Variants in PCBP4 observed in about 807,000 individuals in gnomAD.
The protein encoded by PCBP4 is poly(rC) binding protein 4.
PCBP4 carries 24 observed loss-of-function variants against 46.2 expected under a neutral mutation model. The ratio of observed to expected loss-of-function variants is 0.52; its 90% CI spans 0.38 to 0.73. PCBP4 has a LOEUF of 0.73. Among genes scored for constraint, PCBP4 ranks in the 30% least tolerant of loss-of-function variants. PCBP4 has a pLI of 0.00. For missense variants in PCBP4, 407 were observed against 537.0 expected (o/e 0.76, Z 2.39); for synonymous variants, 203 against 224.4 (o/e 0.90, Z 0.85).
Position 51,957,724 on chromosome 3 carries a change from A to C in PCBP4, c.*337T>G. 1 of 185,770 alleles carries C rather than the reference A, an allele frequency of 5.4e-6. No individual in the cohort carries two copies. The allele number at this position is 185,770 out of a possible 1,614,324, so 11.5% of individuals were successfully genotyped here. ...TCCCTGACTCCCACAAGGATGCAGT[A>C]GGCCAGGAAGCCCTAAGGGATGGGG... On this transcript the variant is annotated 3_prime_UTR_variant, in exon 14 of 14. Coordinates refer to ENST00000461554, the MANE Select transcript of PCBP4 (RefSeq NM_001174100.2).
rs1577674597 is a variant in PCBP4, at chr3:51,959,018, A to G, written c.753+29T>C. The stretch of plus-strand genomic sequence containing the variant: ...GTCCAGACCCCCAGACCCCCTACCC[A>G]CCCTCCAGCCATCCCATCCCCTGCT... On this transcript the variant is annotated intron_variant, in intron 12 of 13. Transcript: ENST00000461554. This position sits in a 1 kb window ranked among gnomAD's most constrained non-coding sequence, Gnocchi z 5.6. The G allele has an allele frequency of 6.2e-7, 1 of 1,612,646 alleles. No homozygotes were observed. The highest frequency in any genetic ancestry group is 8.5e-7 in the Non-Finnish European group (1 of 1,179,268).
rs1369617698 is a variant in PCBP4, at chr3:51,960,516, A to T, written c.255+10T>A. On this transcript the variant is annotated intron_variant, in intron 6 of 13. Coordinates refer to ENST00000461554, the MANE Select transcript of PCBP4 (RefSeq NM_001174100.2). This position sits in a 1 kb window ranked among gnomAD's most constrained non-coding sequence, Gnocchi z 5.0. ...CCACTCTTGGCGTCCTGCCCTGGCCAGCCACGGACCTCATCCAGTTTGAAA... is the reference window on the plus strand; with the variant it reads ...CCACTCTTGGCGTCCTGCCCTGGCCTGCCACGGACCTCATCCAGTTTGAAA... 3.1e-6 allele frequency: 5 copies of T among 1,601,140 alleles called. No individual in the cohort carries two copies. Among genetic ancestry groups the T allele is most frequent in the Non-Finnish European group, 4.3e-6 (5 of 1,168,330 alleles).
In PCBP4 at chr3:51,960,472, T is replaced by C; in HGVS notation, c.255+54A>G. 1 of 1,557,510 alleles carries C rather than the reference T, an allele frequency of 6.4e-7. No homozygotes were observed. The highest frequency in any genetic ancestry group is 8.9e-7 in the Non-Finnish European group (1 of 1,128,960). On this transcript the variant is annotated intron_variant, in intron 6 of 13. Transcript: ENST00000461554. The surrounding 1 kb of genome is among the most constrained non-coding windows in gnomAD (Gnocchi z 5.0). Reference sequence around the variant, plus strand: ...CCATAGCCACTATCTGGAGTCAGAGTTGGGTTCCTCCTGGGGAACCACTCT... The same window carrying C: ...CCATAGCCACTATCTGGAGTCAGAGCTGGGTTCCTCCTGGGGAACCACTCT...
rs1462751696 is a variant in PCBP4, at chr3:51,959,551, C to T, written c.591+26G>A. 7 of 1,545,626 alleles carry T rather than the reference C, an allele frequency of 4.5e-6. No individual in the cohort carries two copies. Among genetic ancestry groups the T allele is most frequent in the South Asian group, 2.4e-5 (2 of 83,858 alleles). ...CAATCCCCCTTCTCCAGTAATGTGT[C>T]CCACTGCTCCTGTTGTTCCCCTCAC... On this transcript the variant is annotated intron_variant, in intron 9 of 13. Coordinates refer to ENST00000461554, the MANE Select transcript of PCBP4 (RefSeq NM_001174100.2). The surrounding 1 kb of genome is among the most constrained non-coding windows in gnomAD (Gnocchi z 5.6).
chr3:51,961,514 A>G (rs2106750254), intron 2 of PCBP4: 1 of 597,400 alleles, frequency 1.7e-6, no homozygotes, highest in Admixed American at 3.2e-5. Context: ...TCTGAGCCTC[A>G]GCTTCTCCAT....
chr3:51,963,749 G>A (rs1167380723), intron 1 of PCBP4, among the ~76,000 whole-genome samples: 1 of 152,218 alleles, frequency 6.6e-6, no homozygotes, highest in Non-Finnish European at 1.5e-5. Context: ...TAGGGGCTGG[G>A]GGTAGGGAGA....
At chr3:51,963,645 G>A (rs1184038905) in intron 1 of PCBP4, among the ~76,000 whole-genome samples, 1 of 152,204 alleles carries the variant, frequency 6.6e-6, no homozygotes, top group Non-Finnish European at 1.5e-5. Flanking sequence ...GCCATGAAAA[G>A]ATGCCTGGGT....
intron 1 of PCBP4, among the ~76,000 whole-genome samples, chr3:51,965,177 CT>C (rs1391811009): frequency 6.6e-6 from 1 of 152,216 alleles, no homozygotes; most frequent in Admixed American, 6.5e-5. Flanking sequence ...TGTATGCTTA[CT>C]CTGCTGCTCA....
In PCBP4 at chr3:51,960,608, C is replaced by A. The variant is rs1259835591; in HGVS notation, c.173G>T (p.Cys58Phe). 6.2e-7 allele frequency: 1 copy of A among 1,614,068 alleles called. No individual in the cohort carries two copies. The highest frequency in any genetic ancestry group is 8.5e-7 in the Non-Finnish European group (1 of 1,179,984). The change falls in exon 6 of 14, where the codon TGC becomes TTC. Residue 58 changes from cysteine (C) to phenylalanine (F), a missense_variant. Physicochemically the swap from Cys to Phe is radical, Grantham distance 205 (BLOSUM62 -2). Transcript: ENST00000461554. This position sits in a 1 kb window ranked among gnomAD's most constrained non-coding sequence, Gnocchi z 5.0. ...GGTGATGGTGGTGATGCGTTCAGGGCAGGAGCCCTCGGAGATGGTGATCCG... is the reference window on the plus strand; with the variant it reads ...GGTGATGGTGGTGATGCGTTCAGGGAAGGAGCCCTCGGAGATGGTGATCCG... ...SARITISEGS[C>F]PERITTITGS... is the part of the protein sequence containing the mutation.
chr3:51,959,330 G>A lies in PCBP4; in HGVS notation c.636+37C>T. The A allele has an allele frequency of 6.2e-7, 1 of 1,613,736 alleles. No individual in the cohort carries two copies. Among genetic ancestry groups the A allele is most frequent in the South Asian group, 1.1e-5 (1 of 91,012 alleles). On this transcript the variant is annotated intron_variant, in intron 10 of 13. Coordinates refer to ENST00000461554, the MANE Select transcript of PCBP4 (RefSeq NM_001174100.2). The surrounding 1 kb of genome is among the most constrained non-coding windows in gnomAD (Gnocchi z 5.6). ...GGGGTCAGAGGTCAGAGGAGGCATG[G>A]TTCAGGAAGGGGTGCCTTGGGCTAT... is the stretch of plus-strand genomic sequence containing the variant.
rs1395827784 is a variant in PCBP4, at chr3:51,958,330, T to G, written c.943A>C (p.Thr315Pro). 2.0e-6 allele frequency: 3 copies of G among 1,510,024 alleles called. No homozygotes were observed. The highest frequency in any genetic ancestry group is 2.7e-6 in the Non-Finnish European group (3 of 1,131,386). The allele number at this position is 1,510,024 out of a possible 1,614,324, so 93.5% of individuals were successfully genotyped here. A position where few individuals can be genotyped will look rare whatever the true frequency, so the allele number is the denominator to read the frequency against. ...ITACLETAKSTSGGTPSSAPA... is the reference protein window; with the variant it reads ...ITACLETAKSPSGGTPSSAPA... ...GCCGAGCTGGGCGTCCCCCCAGAGGTAGACTTGGCCGTCTCTAGACTGGAG... is the reference window on the plus strand; with the variant it reads ...GCCGAGCTGGGCGTCCCCCCAGAGGGAGACTTGGCCGTCTCTAGACTGGAG... The change falls in exon 14 of 14, where the codon ACC becomes CCC. Residue 315 changes from threonine (T) to proline (P), a missense_variant. Transcript: ENST00000461554. This position sits in a 1 kb window ranked among gnomAD's most constrained non-coding sequence, Gnocchi z 5.4.
rs894908388 is a variant in PCBP4 at position 51,958,497 on chromosome 3, A to C, written c.924-148T>G. 6 of 661,572 alleles carry C rather than the reference A, an allele frequency of 9.1e-6. No homozygotes were observed. Among genetic ancestry groups the C allele is most frequent in the Admixed American group, 3.2e-5 (1 of 30,812 alleles). The allele number at this position is 661,572 out of a possible 1,614,324, so 41.0% of individuals were successfully genotyped here. Reference sequence around the variant, plus strand: ...AAGGGGAAGATGGGAAAGGTGGAAGAGGAAGGGAAGAAAGGACAAGCAGAT... The same window carrying C: ...AAGGGGAAGATGGGAAAGGTGGAAGCGGAAGGGAAGAAAGGACAAGCAGAT... On this transcript the variant is annotated intron_variant, in intron 13 of 13. Transcript: ENST00000461554. The surrounding 1 kb of genome is among the most constrained non-coding windows in gnomAD (Gnocchi z 5.4).
chr3:51,966,405 G>T (rs978268047), intron 1 of PCBP4, among the ~76,000 whole-genome samples: 4 of 152,166 alleles, frequency 2.6e-5, no homozygotes, highest in African/African-American at 9.7e-5. Context: ...GGGAAGACCA[G>T]GGGATTTTTT....
chr3:51,966,224 T>C (rs561951866), intron 1 of PCBP4, among the ~76,000 whole-genome samples: 6 of 152,270 alleles, frequency 3.9e-5, no homozygotes, highest in Non-Finnish European at 7.4e-5. Context: ...AGCCTCCTCG[T>C]GGCCTGGGCC....
chr3:51,965,976 G>C (rs1700402370), intron 1 of PCBP4, among the ~76,000 whole-genome samples: 1 of 152,198 alleles, frequency 6.6e-6, no homozygotes, highest in Non-Finnish European at 1.5e-5. Context: ...GTCACAGCTG[G>C]AAAGGTCTTA....
Position 51,960,899 on chromosome 3 carries a change from CTG to C in PCBP4, c.106-3_106-2del. Reference sequence around the variant, plus strand: ...GGATTCGCTTTACAGTCTCGCCCTTCTGTGGGAGGTACAAAACAGATAATCAC... The same window carrying C: ...GGATTCGCTTTACAGTCTCGCCCTTCTGGGAGGTACAAAACAGATAATCAC... On this transcript the variant is annotated splice_acceptor_variant and splice_polypyrimidine_tract_variant and intron_variant, in intron 4 of 13. Transcript: ENST00000461554. LOFTEE classifies it high-confidence loss of function. The surrounding 1 kb of genome is among the most constrained non-coding windows in gnomAD (Gnocchi z 5.0). 1.9e-6 allele frequency: 3 copies of C among 1,609,522 alleles called. No individual in the cohort carries two copies. Among genetic ancestry groups the C allele is most frequent in the Non-Finnish European group, 2.5e-6 (3 of 1,180,004 alleles).
Position 51,958,331 on chromosome 3 carries a change from A to G in PCBP4, c.942T>C (p.Ser314=), listed in dbSNP as rs757454970. ...LITACLETAK[S]TSGGTPSSAP... ...CCGAGCTGGGCGTCCCCCCAGAGGTAGACTTGGCCGTCTCTAGACTGGAGA... is the reference window on the plus strand; with the variant it reads ...CCGAGCTGGGCGTCCCCCCAGAGGTGGACTTGGCCGTCTCTAGACTGGAGA... Residue 314 remains serine (S), a synonymous_variant, in exon 14 of 14, where the codon TCT becomes TCC. Transcript: ENST00000461554. The surrounding 1 kb of genome is among the most constrained non-coding windows in gnomAD (Gnocchi z 5.4). 2 of 1,512,356 alleles carry G rather than the reference A, an allele frequency of 1.3e-6. No individual in the cohort carries two copies. Among genetic ancestry groups the G allele is most frequent in the Non-Finnish European group, 8.8e-7 (1 of 1,132,330 alleles). The allele number at this position is 1,512,356 out of a possible 1,614,324, so 93.7% of individuals were successfully genotyped here. A position where few individuals can be genotyped will look rare whatever the true frequency, so the allele number is the denominator to read the frequency against.
At chr3:51,964,034 G>A (rs1041923005) in intron 1 of PCBP4, among the ~76,000 whole-genome samples, 1 of 152,104 alleles carries the variant, frequency 6.6e-6, no homozygotes, top group Non-Finnish European at 1.5e-5. Flanking sequence ...GCTCACCTCC[G>A]CGGGTGCCCA....
Position 51,959,652 on chromosome 3 carries a change from C to T in PCBP4, c.517-1G>A. 1 of 1,551,546 alleles carries T rather than the reference C, an allele frequency of 6.4e-7. No individual in the cohort carries two copies. The highest frequency in any genetic ancestry group is 8.7e-7 in the Non-Finnish European group (1 of 1,146,834). ...GGATAGTGGCTCCTTTGGGTGGGGACTGGAAGGCATAAACAGGGCTCTGTC... is the reference window on the plus strand; with the variant it reads ...GGATAGTGGCTCCTTTGGGTGGGGATTGGAAGGCATAAACAGGGCTCTGTC... On this transcript the variant is annotated splice_acceptor_variant, in intron 8 of 13. Coordinates refer to ENST00000461554, the MANE Select transcript of PCBP4 (RefSeq NM_001174100.2). LOFTEE classifies it high-confidence loss of function. The surrounding 1 kb of genome is among the most constrained non-coding windows in gnomAD (Gnocchi z 5.6).
Sources: allele counts gnomAD v4.1 joint callset (sites outside exome capture counted in the v4.1 genomes callset), GRCh38; gene constraint gnomAD v4.1.1; non-coding constraint Gnocchi (gnomAD v3.1); transcripts MANE v1.5; gene names NCBI Gene and HGNC (gene_info 2026-07-23, HGNC 2026-07-21).